The following PRKN variants were observed in gnomAD, a reference collection of about 807,000 sequenced individuals.
PRKN encodes the protein parkin RBR E3 ubiquitin protein ligase, also known as E3 ubiquitin-protein ligase parkin.
PRKN carries 56 observed loss-of-function variants against 59.5 expected under a neutral mutation model. The observed-to-expected ratio is 0.94, with a 90% confidence interval of 0.76 to 1.18. The LOEUF is 1.18. Ranked by LOEUF, PRKN falls within the 50% of genes most tolerant of loss-of-function variation. The pLI, the probability that PRKN is intolerant of heterozygous loss-of-function variation, is 0.00. For synonymous variants in PRKN, 250 were observed against 222.1 expected, an observed-to-expected ratio of 1.13 and a Z score of -1.12; for missense variants, 657 against 596.4, an observed-to-expected ratio of 1.10 and a Z score of -1.06.
At chr6:161,924,906 G>C (rs9458420) in intron 6 of PRKN, among the ~76,000 whole-genome samples, 5,943 of 152,276 alleles carry the variant, frequency 0.039, 382 homozygotes, top group African/African-American at 0.13. Context: ...AGTAAACTAG[G>C]GGAGAGAGTC....
At chr6:162,642,705 T>C (rs907339508) in intron 1 of PRKN, among the ~76,000 whole-genome samples, 3 of 151,786 alleles carry the variant, frequency 2.0e-5, no homozygotes, top group African/African-American at 7.2e-5. Context: ...ATACTTAAAA[T>C]TGAAATATCA....
At chr6:162,191,424 T>C (rs1055329115) in intron 4 of PRKN, among the ~76,000 whole-genome samples, 7 of 152,164 alleles carry the variant, frequency 4.6e-5, no homozygotes, top group African/African-American at 1.7e-4. Flanking sequence ...AATTATCTTT[T>C]TCCATTTTGT....
At chr6:162,669,518 G>A (rs372055291) in intron 1 of PRKN, among the ~76,000 whole-genome samples, 4 of 152,050 alleles carry the variant, frequency 2.6e-5, no homozygotes, top group South Asian at 2.1e-4. Context: ...ATTCAAGAAC[G>A]TTACCCCATT....
chr6:162,044,963 G>A (rs981885575), intron 5 of PRKN, among the ~76,000 whole-genome samples: 1 of 152,074 alleles, frequency 6.6e-6, no homozygotes, highest in Non-Finnish European at 1.5e-5. Context: ...TTAGCATTTA[G>A]GTCATGGCAT....
chr6:162,042,285 ATGAC>A (rs1323816536), intron 5 of PRKN, among the ~76,000 whole-genome samples: 1 of 151,976 alleles, frequency 6.6e-6, no homozygotes, highest in Non-Finnish European at 1.5e-5. Flanking sequence ...ACTATGGTTC[ATGAC>A]TGAACCATAG....
In PRKN at chr6:162,498,345, G is replaced by C. The variant is rs1180731040; in HGVS notation, c.8-54872C>G. ...ACACTCAACATTTGATGTCTATCTAGTCTACGTAACTATCTCTTCCAGCAG... is the reference window on the plus strand; with the variant it reads ...ACACTCAACATTTGATGTCTATCTACTCTACGTAACTATCTCTTCCAGCAG... On this transcript the variant is annotated intron_variant, in intron 1 of 11. Transcript: ENST00000366898. 3.8e-5 allele frequency among the ~76,000 whole-genome samples: 5 copies of C among 130,476 alleles called. No homozygotes were observed. The East Asian group carries it at 1.3e-3, about 34-fold the overall frequency. The allele number at this position is 130,476 out of a possible 152,430, so 85.6% of individuals were successfully genotyped here.
At chr6:161,746,801 C>G (rs1398291968) in intron 7 of PRKN, among the ~76,000 whole-genome samples, 1 of 140,758 alleles carries the variant, frequency 7.1e-6, no homozygotes, top group Non-Finnish European at 1.5e-5. Context: ...TAGATATGCA[C>G]AGACATATAT....
intron 2 of PRKN, among the ~76,000 whole-genome samples, chr6:162,432,152 G>GTCT (rs1388610906): frequency 6.6e-6 from 1 of 152,102 alleles, no homozygotes; most frequent in Non-Finnish European, 1.5e-5. Context: ...ATGCCATTGA[G>GTCT]TTGAAGGCAA....
At position 161,530,320 on chromosome 6, in the gene PRKN, C is replaced by T. The variant is rs1395975124; in HGVS notation, c.1083+18534G>A. 6.6e-6 allele frequency among the ~76,000 whole-genome samples: 1 copy of T among 152,182 alleles called. No individual in the cohort carries two copies. Among genetic ancestry groups the T allele is most frequent in the Non-Finnish European group, 1.5e-5 (1 of 68,026 alleles). ...AGTATCATTCCCCACCCAGACCTGT[C>T]CCAGTGTCTAGGGAAATGCACCTTC... is the stretch of plus-strand genomic sequence containing the variant. On this transcript the variant is annotated intron_variant, in intron 9 of 11. Coordinates refer to ENST00000366898, the MANE Select transcript of PRKN (RefSeq NM_004562.3). The surrounding 1 kb of genome is among the most constrained non-coding windows in gnomAD (Gnocchi z 5.0).
intron 7 of PRKN, among the ~76,000 whole-genome samples, chr6:161,636,356 T>G (rs1245095306): frequency 1.3e-5 from 2 of 152,160 alleles, no homozygotes; most frequent in Non-Finnish European, 2.9e-5. Flanking sequence ...CGGGCAAGGC[T>G]CTCCCTGCCA....
intron 4 of PRKN, among the ~76,000 whole-genome samples, chr6:162,129,299 G>A (rs1781247407): frequency 6.6e-6 from 1 of 152,132 alleles, no homozygotes; most frequent in African/African-American, 2.4e-5. Context: ...AAATATTAGA[G>A]AAAGTAACAT....
chr6:161,453,806 C>A (rs1394739280), intron 9 of PRKN, among the ~76,000 whole-genome samples: 2 of 136,758 alleles, frequency 1.5e-5, no homozygotes, highest in African/African-American at 5.3e-5. Flanking sequence ...TCCCCAAATT[C>A]AAAAAAAGTT....
intron 3 of PRKN, among the ~76,000 whole-genome samples, chr6:162,210,059 AAC>A (rs1785136037): frequency 6.6e-6 from 1 of 151,562 alleles, no homozygotes; most frequent in Non-Finnish European, 1.5e-5. Flanking sequence ...ATATGTATCA[AAC>A]TGGTATGTTG....
At chr6:162,156,566 G>T (rs1333244044) in intron 4 of PRKN, among the ~76,000 whole-genome samples, 1 of 152,116 alleles carries the variant, frequency 6.6e-6, no homozygotes, top group South Asian at 2.1e-4. Context: ...AAAGATGGAG[G>T]CCGGAAGACT....
intron 5 of PRKN, among the ~76,000 whole-genome samples, chr6:161,989,911 C>T (rs1250535957): frequency 6.6e-6 from 1 of 152,154 alleles, no homozygotes; most frequent in Admixed American, 6.5e-5. Context: ...ATCACCACTG[C>T]TGGCCATCTA....
chr6:161,485,345 T>C (rs1791599573), intron 9 of PRKN, among the ~76,000 whole-genome samples: 1 of 152,218 alleles, frequency 6.6e-6, no homozygotes, highest in Non-Finnish European at 1.5e-5. Flanking sequence ...CCCCATTGGC[T>C]CTTTTGAAAT....
At chr6:162,506,284 T>C (rs568282531) in intron 1 of PRKN, among the ~76,000 whole-genome samples, 6 of 147,280 alleles carry the variant, frequency 4.1e-5, no homozygotes, top group East Asian at 2.0e-4. Context: ...GGAATGCCTT[T>C]AGAGGTAGGA....
At chr6:162,227,265 T>G (rs764304473) in intron 3 of PRKN, among the ~76,000 whole-genome samples, 1 of 152,216 alleles carries the variant, frequency 6.6e-6, no homozygotes, top group East Asian at 1.9e-4. Flanking sequence ...ATTGCATTCA[T>G]TTTTAGCTAT....
chr6:161,833,311 G>A (rs1410828874), intron 6 of PRKN, among the ~76,000 whole-genome samples: 2 of 152,186 alleles, frequency 1.3e-5, no homozygotes, highest in Non-Finnish European at 2.9e-5. Flanking sequence ...TTGCCCGGAG[G>A]CCTGAGCGAT....
Sources: allele counts gnomAD v4.1 joint callset (sites outside exome capture counted in the v4.1 genomes callset), GRCh38; gene constraint gnomAD v4.1.1; non-coding constraint Gnocchi (gnomAD v3.1); transcripts MANE v1.5; gene names NCBI Gene and HGNC (gene_info 2026-07-23, HGNC 2026-07-21).